EFCAB14: variants seen among roughly 807,000 people sequenced by gnomAD.
EFCAB14 encodes the protein EF-hand calcium binding domain 14.
A neutral mutation model predicts 56.5 loss-of-function variants in EFCAB14; 43 were observed. That is an observed-to-expected ratio of 0.76 (90% CI 0.60 to 0.98). The LOEUF (loss-of-function observed/expected upper bound fraction) is 0.98. Ranked by LOEUF, EFCAB14 falls within the 50% of genes least tolerant of loss-of-function variation. The pLI, the probability that EFCAB14 is intolerant of heterozygous loss-of-function variation, is 0.00. For synonymous variants in EFCAB14, 235 were observed against 212.9 expected (o/e 1.10, Z -0.90); for missense variants, 538 against 580.3 (o/e 0.93, Z 0.75).
At chr1:46,684,442 A>G (rs1476344128) in intron 9 of EFCAB14, 49 bp downstream of exon 9, 1 of 1,493,866 alleles carries the variant, frequency 6.7e-7, no homozygotes, top group East Asian at 2.3e-5. Flanking sequence ...TGTGAGAGGC[A>G]AGCTGCTCAA....
intron 2 of EFCAB14, among the ~76,000 whole-genome samples, chr1:46,709,392 GC>G (rs1274034884): frequency 6.6e-6 from 1 of 151,966 alleles, no homozygotes; most frequent in African/African-American, 2.4e-5. Context: ...TACCACTTTG[GC>G]CTAGTTCATT....
intron 2 of EFCAB14, among the ~76,000 whole-genome samples, chr1:46,715,629 G>C (rs1253146316): frequency 2.0e-5 from 3 of 151,820 alleles, no homozygotes; most frequent in Admixed American, 6.6e-5. Context: ...CTTTATGCTT[G>C]GGGAGATGCA....
At chr1:46,713,049 T>A (rs539943296) in intron 2 of EFCAB14, among the ~76,000 whole-genome samples, 72 of 149,062 alleles carry the variant, frequency 4.8e-4, no homozygotes, top group East Asian at 1.8e-3. Context: ...AAAAAAAAAA[T>A]TTTTTTTTTA....
intron 10 of EFCAB14, among the ~76,000 whole-genome samples, chr1:46,679,747 A>T (rs1267841044): frequency 6.6e-6 from 1 of 151,440 alleles, no homozygotes; most frequent in Admixed American, 6.6e-5. Context: ...AGTAGCTGGC[A>T]TGACAGGTGT....
intron 5 of EFCAB14, among the ~76,000 whole-genome samples, chr1:46,690,946 G>C (rs914501641): frequency 1.3e-5 from 2 of 152,122 alleles, no homozygotes; most frequent in East Asian, 1.9e-4. Flanking sequence ...AGAGACTAGG[G>C]AACTTTTGTG....
rs562442365 is a variant in EFCAB14, at chr1:46,719,028, G to A, written c.-941C>T. On this transcript the variant is annotated 5_prime_UTR_variant, in exon 1 of 11. It adds an upstream start codon to the 5' untranslated region. Coordinates refer to ENST00000371933, the MANE Select transcript of EFCAB14 (RefSeq NM_014774.3). This position sits in a 1 kb window ranked among gnomAD's most constrained non-coding sequence, Gnocchi z 4.0. ...CTTCGGCCGCGGCTGCTCCCGACAC[G>A]TTGTTGTTGGCGTTGGTGGCGGCGG... 4.8e-3 allele frequency: 767 copies of A among 159,266 alleles called. 6 individuals carry two copies. The highest frequency in any genetic ancestry group is 8.2e-3 in the Non-Finnish European group (600 of 73,246). 9.9% of individuals were successfully genotyped at this position (159,266 alleles called of 1,614,324 possible). A position where few individuals can be genotyped will look rare whatever the true frequency, so the allele number is the denominator to read the frequency against.
At chr1:46,683,121 A>C (rs1402271014) in intron 10 of EFCAB14, 179 bp downstream of exon 10, 1 of 645,598 alleles carries the variant, frequency 1.5e-6, no homozygotes, top group Admixed American at 3.3e-5. Flanking sequence ...ATAATACATA[A>C]ATACTTATGT....
chr1:46,678,401 T>C lies in EFCAB14; in HGVS notation c.*60A>G, dbSNP rs1676729938. 4 of 1,583,360 alleles carry C rather than the reference T, an allele frequency of 2.5e-6. No individual in the cohort carries two copies. In the African/African-American group the frequency reaches 4.0e-5, roughly 16 times the overall value. On this transcript the variant is annotated 3_prime_UTR_variant, in exon 11 of 11. Transcript: ENST00000371933. Reference sequence around the variant, plus strand: ...AGAGGACTGATGGGTAAGTAAGGGTTGTTTTGTTGTTAGGTAAATAGATAT... The same window carrying C: ...AGAGGACTGATGGGTAAGTAAGGGTCGTTTTGTTGTTAGGTAAATAGATAT...
intron 3 of EFCAB14, among the ~76,000 whole-genome samples, chr1:46,699,187 C>T (rs1677118638): frequency 6.6e-6 from 1 of 152,150 alleles, no homozygotes; most frequent in South Asian, 2.1e-4. Flanking sequence ...AAAAGGATAT[C>T]AATGCAAGCT....
At chr1:46,697,854 CTTTTT>C (rs759488898) in intron 3 of EFCAB14, among the ~76,000 whole-genome samples, 2 of 134,618 alleles carry the variant, frequency 1.5e-5, no homozygotes, top group East Asian at 3.1e-4. Flanking sequence ...CTCTCTCTCT[CTTTTT>C]TTTTTTTTTT....
At chr1:46,701,346 C>A (rs937059381) in intron 3 of EFCAB14, among the ~76,000 whole-genome samples, 13 of 151,960 alleles carry the variant, frequency 8.6e-5, no homozygotes, top group Non-Finnish European at 2.9e-5. Flanking sequence ...ACAGTTGGTT[C>A]AAGATCAGTT....
intron 2 of EFCAB14, 99 bp from the exon 3 acceptor site, chr1:46,708,150 T>A: frequency 8.7e-7 from 1 of 1,148,720 alleles, no homozygotes; most frequent in Non-Finnish European, 1.2e-6. Context: ...GATGGATTAA[T>A]AAAAGTTAAT....
At chr1:46,713,582 A>C (rs891694872) in intron 2 of EFCAB14, among the ~76,000 whole-genome samples, 3 of 152,204 alleles carry the variant, frequency 2.0e-5, no homozygotes, top group African/African-American at 2.4e-5. Context: ...GCTATAAATT[A>C]CATAAGTATC....
intron 9 of EFCAB14, 47 bp downstream of exon 9, chr1:46,684,444 G>A (rs1165899924): frequency 1.3e-6 from 2 of 1,515,968 alleles, no homozygotes; most frequent in East Asian, 2.2e-5. Context: ...TGAGAGGCAA[G>A]CTGCTCAAGC....
rs944014521 is a variant in EFCAB14, at chr1:46,719,101, C to T, written c.-1014G>A. ...CTCCAGCCCCGGGCCATCGCTCCAG[C>T]CCCAGATCACTTCCCCTTTGGCAGC... On this transcript the variant is annotated 5_prime_UTR_variant, in exon 1 of 11. Coordinates refer to ENST00000371933, the MANE Select transcript of EFCAB14 (RefSeq NM_014774.3). The surrounding 1 kb of genome is among the most constrained non-coding windows in gnomAD (Gnocchi z 4.0). 1.9e-5 allele frequency: 3 copies of T among 154,718 alleles called. No individual in the cohort carries two copies. The highest frequency in any genetic ancestry group is 1.3e-4 in the Admixed American group (2 of 15,304). The allele number at this position is 154,718 out of a possible 1,614,324, so 9.6% of individuals were successfully genotyped here.
At chr1:46,681,663 G>GTTTTTTTTTTTTTT (rs10654448) in intron 10 of EFCAB14, among the ~76,000 whole-genome samples, 2 of 149,224 alleles carry the variant, frequency 1.3e-5, no homozygotes, top group Non-Finnish European at 1.5e-5. Context: ...GAAGAGTTCT[G>GTTTTTTTTTTTTTT]TTTTTTTTTT....
At chr1:46,680,014 T>C (rs1224634622) in intron 10 of EFCAB14, among the ~76,000 whole-genome samples, 3 of 152,074 alleles carry the variant, frequency 2.0e-5, no homozygotes, top group Admixed American at 6.5e-5. Flanking sequence ...TGAGATACCA[T>C]GTCATAATCA....
intron 4 of EFCAB14, 44 bp from the exon 5 acceptor site, chr1:46,691,981 C>A (rs1380740766): frequency 1.4e-6 from 2 of 1,430,882 alleles, no homozygotes; most frequent in Non-Finnish European, 1.9e-6. Context: ...CTTTAAGAGA[C>A]AACTGACATG....
At chr1:46,699,183 A>C (rs61633253) in intron 3 of EFCAB14, among the ~76,000 whole-genome samples, 1 of 152,182 alleles carries the variant, frequency 6.6e-6, no homozygotes, top group Non-Finnish European at 1.5e-5. Context: ...TGAGAAAAGG[A>C]TATCAATGCA....
Sources: allele counts gnomAD v4.1 joint callset (sites outside exome capture counted in the v4.1 genomes callset), GRCh38; gene constraint gnomAD v4.1.1; non-coding constraint Gnocchi (gnomAD v3.1); transcripts MANE v1.5; gene names NCBI Gene and HGNC (gene_info 2026-07-23, HGNC 2026-07-21).